PTPRD: variants seen among roughly 807,000 people sequenced by gnomAD.
The protein encoded by PTPRD is protein tyrosine phosphatase receptor type D.
PTPRD carries 34 observed loss-of-function variants against 214.5 expected under a neutral mutation model. That is an observed-to-expected ratio of 0.16 (90% CI 0.12 to 0.21). The LOEUF (loss-of-function observed/expected upper bound fraction) is 0.21, where lower values mean the gene tolerates loss of function less well. PTPRD is among the 10% of genes least tolerant of loss of function. PTPRD has a pLI of 1.00. For synonymous variants in PTPRD, 1,128 were observed against 845.7 expected, an observed-to-expected ratio of 1.33 and a Z score of -5.79; for missense variants, 2,545 against 2,398.7, an observed-to-expected ratio of 1.06 and a Z score of -1.27.
intron 8 of PTPRD, among the ~76,000 whole-genome samples, chr9:9,483,813 T>C (rs1423140631): frequency 2.0e-5 from 3 of 151,214 alleles, no homozygotes; most frequent in Admixed American, 2.0e-4. Flanking sequence ...GCTATAATCC[T>C]CTCTGTGAAA....
chr9:9,923,123 GGTGTGTGTGT>G (rs35299908), intron 5 of PTPRD, among the ~76,000 whole-genome samples: 5 of 144,960 alleles, frequency 3.4e-5, no homozygotes. Context: ...GTGTGTGGGG[GGTGTGTGTGT>G]GTGTGTGTGT....
In PTPRD at chr9:8,870,437, G is replaced by T. The variant is rs558979282; in HGVS notation, c.-103-136491C>A. Among the ~76,000 whole-genome samples the T allele has an allele frequency of 3.2e-4, 49 of 152,086 alleles. 1 individual carries two copies. Among genetic ancestry groups the T allele is most frequent in the African/African-American group, 1.0e-3 (43 of 41,492 alleles). ...TGACTAGAATTGAAGATGCAAGGGG[G>T]AAAAAACCCTCAAAATTAAAGGAAA... On this transcript the variant is annotated intron_variant, in intron 11 of 45. Coordinates refer to ENST00000381196, the MANE Select transcript of PTPRD (RefSeq NM_002839.4).
chr9:8,718,981 G>A (rs1261264627), intron 12 of PTPRD, among the ~76,000 whole-genome samples: 1 of 152,156 alleles, frequency 6.6e-6, no homozygotes, highest in East Asian at 1.9e-4. Flanking sequence ...CATCTATAAT[G>A]TGATCAAATT....
chr9:9,605,382 C>T (rs1369599627), intron 7 of PTPRD, among the ~76,000 whole-genome samples: 2 of 151,990 alleles, frequency 1.3e-5, no homozygotes, highest in African/African-American at 4.8e-5. Context: ...CTATGAACTC[C>T]TTAAATGAAG....
chr9:8,996,256 C>T (rs1421630408), intron 11 of PTPRD, among the ~76,000 whole-genome samples: 1 of 152,022 alleles, frequency 6.6e-6, no homozygotes, highest in Non-Finnish European at 1.5e-5. Context: ...AATTGTGGTA[C>T]ATCCATACCT....
chr9:8,528,456 A>G (rs773033233), intron 15 of PTPRD, 135 bp downstream of exon 15: 1 of 788,918 alleles, frequency 1.3e-6, no homozygotes, highest in Admixed American at 2.2e-5. Flanking sequence ...CCACCCATTA[A>G]GTAACAGAGA....
chr9:8,910,272 C>T (rs7028629), intron 11 of PTPRD, among the ~76,000 whole-genome samples: 8,441 of 151,970 alleles, frequency 0.056, 447 homozygotes, highest in East Asian at 0.18. Context: ...CTCCTGACCT[C>T]GTGATCCGCC....
chr9:9,361,648 A>G (rs1255675825), intron 9 of PTPRD, among the ~76,000 whole-genome samples: 1 of 151,012 alleles, frequency 6.6e-6, no homozygotes, highest in Non-Finnish European at 1.5e-5. Flanking sequence ...CATGCTAGAA[A>G]GATTTGAATT....
intron 43 of PTPRD, among the ~76,000 whole-genome samples, chr9:8,337,055 C>T (rs1330105263): frequency 6.6e-6 from 1 of 152,104 alleles, no homozygotes; most frequent in Non-Finnish European, 1.5e-5. Flanking sequence ...CCTCAAGGAT[C>T]TAGAACCAGA....
intron 3 of PTPRD, among the ~76,000 whole-genome samples, chr9:10,098,889 C>T (rs974817141): frequency 4.6e-5 from 7 of 151,808 alleles, no homozygotes; most frequent in Non-Finnish European, 7.4e-5. Flanking sequence ...CATTTCAGTT[C>T]CCAGTATACA....
Position 8,942,933 on chromosome 9 carries a change from A to G in PTPRD, c.-104+75764T>C, listed in dbSNP as rs186347695. ...TAAATAAGTTTAGATTGATAAACAA[A>G]TTCAGTAAAGTTGCAGGATAGAAAA... On this transcript the variant is annotated intron_variant, in intron 11 of 45. Coordinates refer to ENST00000381196, the MANE Select transcript of PTPRD (RefSeq NM_002839.4). Among the ~76,000 whole-genome samples the G allele has an allele frequency of 5.9e-5, 9 of 152,326 alleles. No individual in the cohort carries two copies. In the East Asian group the frequency reaches 1.7e-3, roughly 29 times the overall value.
intron 5 of PTPRD, among the ~76,000 whole-genome samples, chr9:9,806,291 T>C (rs1598364796): frequency 6.6e-6 from 1 of 151,972 alleles, no homozygotes; most frequent in East Asian, 1.9e-4. Context: ...AAAGGCAGTC[T>C]CCCGATACAT....
chr9:9,358,217 T>C (rs1397615777), intron 9 of PTPRD, among the ~76,000 whole-genome samples: 1 of 151,276 alleles, frequency 6.6e-6, no homozygotes, highest in African/African-American at 2.4e-5. Flanking sequence ...ATAGGCAATT[T>C]TTTCTTATTT....
chr9:9,306,890 A>G (rs1459992621), intron 9 of PTPRD, among the ~76,000 whole-genome samples: 1 of 152,220 alleles, frequency 6.6e-6, no homozygotes, highest in African/African-American at 2.4e-5. Flanking sequence ...TGGCATGTAC[A>G]TTTGAATATC....
At chr9:8,328,072 T>A (rs1835808203) in intron 44 of PTPRD, among the ~76,000 whole-genome samples, 2 of 152,318 alleles carry the variant, frequency 1.3e-5, no homozygotes, top group Admixed American at 1.3e-4. Flanking sequence ...TGATGTTTGC[T>A]GGTTATTTGA....
Position 9,153,338 on chromosome 9 carries a change from T to A in PTPRD, c.-143+29966A>T, listed in dbSNP as rs28709980. On this transcript the variant is annotated intron_variant, in intron 10 of 45. Coordinates refer to ENST00000381196, the MANE Select transcript of PTPRD (RefSeq NM_002839.4). Reference sequence around the variant, plus strand: ...TTAGCCAAGATGGAATCAGCTTACATTCTTGGCGCTGTATACGATATAACA... The same window carrying A: ...TTAGCCAAGATGGAATCAGCTTACAATCTTGGCGCTGTATACGATATAACA... 2.6e-3 allele frequency among the ~76,000 whole-genome samples: 400 copies of A among 152,330 alleles called. 1 individual carries two copies. Among genetic ancestry groups the A allele is most frequent in the African/African-American group, 9.1e-3 (380 of 41,582 alleles).
intron 5 of PTPRD, chr9:9,803,693 G>A (rs1045706261): frequency 6.6e-6 from 1 of 151,860 alleles, no homozygotes; most frequent in African/African-American, 2.4e-5. Context: ...ATTTATAAAT[G>A]CATTTTTTTC....
At position 8,486,340 on chromosome 9, in the gene PTPRD, T is replaced by G. The variant is rs758179072; in HGVS notation, c.2477A>C (p.Lys826Thr). 2 of 1,614,062 alleles carry G rather than the reference T, an allele frequency of 1.2e-6. No individual in the cohort carries two copies. Among genetic ancestry groups the G allele is most frequent in the Non-Finnish European group, 1.7e-6 (2 of 1,179,920 alleles). The change falls in exon 28 of 46, where the codon AAA (lysine) becomes ACA (threonine). Residue 826 changes from lysine to threonine, a missense_variant. Transcript: ENST00000381196. ...LVSTTGAVPGKPRLVINHTQM... is the reference protein window; with the variant it reads ...LVSTTGAVPGTPRLVINHTQM... ...AGTGTGGTTAATCACAAGCCGAGGT[T>G]TCCCTGGAACTGGAGCACATGGGAT...
intron 11 of PTPRD, among the ~76,000 whole-genome samples, chr9:8,795,747 T>C (rs73427076): frequency 0.025 from 3,831 of 152,292 alleles, 176 homozygotes; most frequent in African/African-American, 0.087. Context: ...ATTTATGAAG[T>C]GGAAACGCGT....
Sources: gnomAD v4.1 joint callset for allele counts (sites outside exome capture counted in the v4.1 genomes callset) on GRCh38, gnomAD v4.1.1 for gene constraint, MANE v1.5 for transcripts, NCBI Gene and HGNC (gene_info 2026-07-23, HGNC 2026-07-21) for gene names.